The following LANCL3 variants were observed in gnomAD, a reference collection of about 807,000 sequenced individuals.
The protein encoded by LANCL3 is LanC like family member 3.
In LANCL3, 19 loss-of-function variants were observed where a neutral mutation model predicts 26.5. That is an observed-to-expected ratio of 0.72 (90% CI 0.50 to 1.05). The LOEUF (loss-of-function observed/expected upper bound fraction) is 1.05. LANCL3 is among the 50% of genes least tolerant of loss of function. LANCL3 has a pLI of 0.00. For synonymous variants in LANCL3, 160 were observed against 166.6 expected (o/e 0.96, Z 0.30); for missense variants, 318 against 362.7 (o/e 0.88, Z 1.00).
intron 4 of LANCL3, among the ~76,000 whole-genome samples, chrX:37,671,097 C>T (rs1556435992): frequency 9.0e-6 from 1 of 111,166 alleles, no homozygotes; most frequent in African/African-American, 3.3e-5. Flanking sequence ...TTTTCATAAA[C>T]ATCATAATAA....
At chrX:37,602,939 G>A (rs1556420174) in intron 1 of LANCL3, among the ~76,000 whole-genome samples, 2 of 111,647 alleles carry the variant, frequency 1.8e-5, no homozygotes, top group Non-Finnish European at 1.9e-5. Context: ...TCTAGTCACC[G>A]GATAAAAAGG....
intron 1 of LANCL3, among the ~76,000 whole-genome samples, chrX:37,579,956 A>T (rs1431063266): frequency 8.9e-6 from 1 of 111,847 alleles, no homozygotes; most frequent in Non-Finnish European, 1.9e-5. Flanking sequence ...TGCTAAACTG[A>T]CGAGTATAAA....
intron 1 of LANCL3, among the ~76,000 whole-genome samples, chrX:37,586,225 T>C (rs1319551806): frequency 8.9e-6 from 1 of 111,888 alleles, no homozygotes; most frequent in Non-Finnish European, 1.9e-5. Context: ...TGGCTACCCT[T>C]AACGTTTTTT....
chrX:37,631,101 A>T (rs782313277), intron 1 of LANCL3, among the ~76,000 whole-genome samples: 20 of 111,675 alleles, frequency 1.8e-4, no homozygotes, highest in Non-Finnish European at 3.8e-4. Context: ...TTCGTTGGTA[A>T]GCTATTGATT....
At chrX:37,641,402 T>A (rs1925857188) in intron 1 of LANCL3, among the ~76,000 whole-genome samples, 1 of 109,715 alleles carries the variant, frequency 9.1e-6, no homozygotes, top group Admixed American at 9.8e-5. Context: ...AAGCTAGAAG[T>A]TCTGAATTTT....
At chrX:37,628,693 T>C (rs1366535561) in intron 1 of LANCL3, among the ~76,000 whole-genome samples, 6 of 101,490 alleles carry the variant, frequency 5.9e-5, no homozygotes, top group Middle Eastern at 4.9e-3. Flanking sequence ...TGAGAACATG[T>C]GGTGTTTGGT....
chrX:37,572,755 A>G (rs1229955208), intron 1 of LANCL3, among the ~76,000 whole-genome samples: 1 of 111,968 alleles, frequency 8.9e-6, no homozygotes, highest in African/African-American at 3.3e-5. Context: ...GTAAGATGAA[A>G]ACCTCAGAAA....
At chrX:37,585,728 G>A (rs1924054211) in intron 1 of LANCL3, among the ~76,000 whole-genome samples, 1 of 111,645 alleles carries the variant, frequency 9.0e-6, no homozygotes, top group African/African-American at 3.3e-5. Context: ...ACAGCACAGT[G>A]ATGGGTCTTG....
Position 37,581,985 on chromosome X carries a change from A to G in LANCL3, c.573+9542A>G, listed in dbSNP as rs187028116. ...TGTGATGTTCCCCTTCCTGTGTCCA[A>G]GTGTTCTCATTGTTCAGTTCCCACC... On this transcript the variant is annotated intron_variant, in intron 1 of 4. Transcript: ENST00000378619. 8.3e-3 allele frequency among the ~76,000 whole-genome samples: 910 copies of G among 109,502 alleles called. 5 individuals are homozygous for G. Among genetic ancestry groups the G allele is most frequent in the Non-Finnish European group, 0.013 (665 of 52,682 alleles).
intron 1 of LANCL3, among the ~76,000 whole-genome samples, chrX:37,642,379 C>T (rs1556426002): frequency 9.0e-6 from 1 of 111,520 alleles, no homozygotes; most frequent in East Asian, 2.8e-4. Context: ...TCTCTTATAA[C>T]AAGAGTTTGG....
rs146616137 is a variant in LANCL3 at position 37,599,725 on chromosome X, A to G, written c.573+27282A>G. On this transcript the variant is annotated intron_variant, in intron 1 of 4. Transcript: ENST00000378619. Reference sequence around the variant, plus strand: ...GCATAATCACTGTAGGCTGCAGAGTATATGTGATCATGTTTGGTTAGATGT... The same window carrying G: ...GCATAATCACTGTAGGCTGCAGAGTGTATGTGATCATGTTTGGTTAGATGT... Among the ~76,000 whole-genome samples, 588 of 112,241 alleles carry G rather than the reference A, an allele frequency of 5.2e-3. 5 individuals carry two copies. The highest frequency in any genetic ancestry group is 8.6e-3 in the Non-Finnish European group (460 of 53,207).
Position 37,630,338 on chromosome X carries a change from A to C in LANCL3, c.574-25350A>C, listed in dbSNP as rs782054838. ...TTTGCTAAAGTTGCTTATCAGCTTAAGGAGATTTTGGGCTGAGACGATGGG... is the reference window on the plus strand; with the variant it reads ...TTTGCTAAAGTTGCTTATCAGCTTACGGAGATTTTGGGCTGAGACGATGGG... On this transcript the variant is annotated intron_variant, in intron 1 of 4. Transcript: ENST00000378619. 2.6e-3 allele frequency among the ~76,000 whole-genome samples: 287 copies of C among 111,871 alleles called. 1 individual carries two copies. The highest frequency in any genetic ancestry group is 3.3e-3 in the Non-Finnish European group (174 of 53,197).
chrX:37,581,359 T>G (rs1923888122), intron 1 of LANCL3, among the ~76,000 whole-genome samples: 1 of 112,453 alleles, frequency 8.9e-6, no homozygotes, highest in African/African-American at 3.2e-5. Context: ...ATTGAATGAA[T>G]GAGCAAATGC....
chrX:37,578,798 A>G (rs1556416690), intron 1 of LANCL3, among the ~76,000 whole-genome samples: 2 of 109,486 alleles, frequency 1.8e-5, no homozygotes, highest in South Asian at 4.0e-4. Context: ...TGGACAACAT[A>G]GTGAAACCCT....
At chrX:37,634,484 A>G (rs1190846250) in intron 1 of LANCL3, among the ~76,000 whole-genome samples, 1 of 112,697 alleles carries the variant, frequency 8.9e-6, no homozygotes, top group Non-Finnish European at 1.9e-5. Flanking sequence ...CCCTAGTGAG[A>G]TGAACCCGGT....
At chrX:37,612,029 C>T (rs1924888284) in intron 1 of LANCL3, among the ~76,000 whole-genome samples, 1 of 110,774 alleles carries the variant, frequency 9.0e-6, no homozygotes, top group Non-Finnish European at 1.9e-5. Context: ...CAAGCTCCGC[C>T]TCCCGGATTC....
chrX:37,600,707 A>G (rs1184175751), intron 1 of LANCL3, among the ~76,000 whole-genome samples: 1 of 111,999 alleles, frequency 8.9e-6, no homozygotes, highest in African/African-American at 3.2e-5. Flanking sequence ...ATGCACCTGA[A>G]TCACTTGGAG....
At chrX:37,632,265 A>C (rs1178596142) in intron 1 of LANCL3, among the ~76,000 whole-genome samples, 2 of 111,700 alleles carry the variant, frequency 1.8e-5, no homozygotes, top group Non-Finnish European at 3.8e-5. Context: ...ATCAGAGACT[A>C]GGATTGCAAC....
In LANCL3 at chrX:37,595,202, G is replaced by A. The variant is rs782576958; in HGVS notation, c.573+22759G>A. Among the ~76,000 whole-genome samples, 4 of 111,718 alleles carry A rather than the reference G, an allele frequency of 3.6e-5. No homozygotes were observed. In the Admixed American group the frequency reaches 3.8e-4, roughly 11 times the overall value. The stretch of plus-strand genomic sequence containing the variant: ...GCCACTGCCTTTTTACTACTACAGA[G>A]CAGAATGATAGGCACCTTCCTGGCA... On this transcript the variant is annotated intron_variant, in intron 1 of 4. Transcript: ENST00000378619.
Sources: gnomAD v4.1 joint callset for allele counts (sites outside exome capture counted in the v4.1 genomes callset) on GRCh38, gnomAD v4.1.1 for gene constraint, MANE v1.5 for transcripts, NCBI Gene and HGNC (gene_info 2026-07-23, HGNC 2026-07-21) for gene names.